Variants in VEZT observed in about 807,000 individuals in gnomAD.
VEZT encodes vezatin, adherens junctions transmembrane protein.
A neutral mutation model predicts 79.9 loss-of-function variants in VEZT; 39 were observed. That is an observed-to-expected ratio of 0.49 (90% confidence interval 0.38 to 0.64). VEZT has a LOEUF of 0.64. VEZT is among the 30% of genes least tolerant of loss of function. VEZT has a pLI of 0.00. For synonymous variants in VEZT, 325 were observed against 327.6 expected (o/e 0.99, Z 0.09); for missense variants, 837 against 893.1 (o/e 0.94, Z 0.80).
At chr12:95,276,148 T>C (rs1312389234) in intron 7 of VEZT, among the ~76,000 whole-genome samples, 2 of 151,886 alleles carry the variant, frequency 1.3e-5, no homozygotes, top group Non-Finnish European at 2.9e-5. Flanking sequence ...CCCTTACAGA[T>C]TTATCTCAGA....
chr12:95,274,829 G>A lies in VEZT; in HGVS notation c.936G>A (p.Glu312=), dbSNP rs1400723783. The change falls in exon 7 of 12, where the codon GAG becomes GAA. Residue 312 remains glutamate, a synonymous_variant. Transcript: ENST00000436874. ...FKELGLGLSE[E]QISEEEAHNF... ...AGCTGGGCCTTGGACTTAGTGAAGA[G>A]CAGATTTCAGAAGAGGAAGCACATA... is the stretch of plus-strand genomic sequence containing the variant. 6.2e-7 allele frequency: 1 copy of A among 1,613,758 alleles called. No homozygotes were observed. The highest frequency in any genetic ancestry group is 8.5e-7 in the Non-Finnish European group (1 of 1,179,834).
chr12:95,246,421 C>G (rs2061732062), intron 1 of VEZT, among the ~76,000 whole-genome samples: 1 of 152,194 alleles, frequency 6.6e-6, no homozygotes, highest in African/African-American at 2.4e-5. Context: ...CCGCACCCAC[C>G]CAGATCTGAT....
intron 1 of VEZT, among the ~76,000 whole-genome samples, chr12:95,235,152 C>G (rs1209574211): frequency 2.0e-5 from 3 of 152,196 alleles, no homozygotes; most frequent in Admixed American, 6.5e-5. Context: ...CATCATGGCC[C>G]GTTCTCAACG....
At chr12:95,284,984 G>A (rs537893719) in intron 8 of VEZT, among the ~76,000 whole-genome samples, 1 of 151,476 alleles carries the variant, frequency 6.6e-6, no homozygotes, top group South Asian at 2.1e-4. Flanking sequence ...TACTCGGGAG[G>A]CTGAGGCAGG....
chr12:95,296,103 A>G lies in VEZT; in HGVS notation c.1676A>G (p.Asp559Gly). The stretch of plus-strand genomic sequence containing the variant: ...GATATTGATAGTGATTTCAGAAAGG[A>G]TGATTTTTATTACTTGTCTCAAGAA... Reference protein sequence around the residue: ...DIDIDSDFRKDDFYYLSQEDK... With the variant: ...DIDIDSDFRKGDFYYLSQEDK... The change falls in exon 11 of 12, where the codon GAT (aspartate) becomes GGT (glycine). Residue 559 changes from aspartate (D) to glycine (G), a missense_variant. Physicochemically the swap from Asp to Gly is moderately conservative, Grantham distance 94. Transcript: ENST00000436874. 2 of 1,560,222 alleles carry G rather than the reference A, an allele frequency of 1.3e-6. No homozygotes were observed. The highest frequency in any genetic ancestry group is 2.7e-5 in the African/African-American group (2 of 73,750).
intron 1 of VEZT, among the ~76,000 whole-genome samples, chr12:95,238,415 G>A (rs1414329024): frequency 6.6e-6 from 1 of 152,100 alleles, no homozygotes; most frequent in Non-Finnish European, 1.5e-5. Flanking sequence ...TTTCAGGCTT[G>A]GCTCTACTGT....
chr12:95,296,194 G>T lies in VEZT; in HGVS notation c.1767G>T (p.Val589=). The change falls in exon 11 of 12, where the codon GTG becomes GTT. Residue 589 remains valine, a synonymous_variant. Coordinates refer to ENST00000436874, the MANE Select transcript of VEZT (RefSeq NM_017599.4). ...SKRVLQELKS[V]LGFKASEAER... ...GGGTGCTCCAAGAATTAAAATCTGT[G>T]CTGGGATTTAAAGCTTCAGAGGCAG... The T allele has an allele frequency of 6.3e-7, 1 of 1,586,310 alleles. No individual in the cohort carries two copies. The highest frequency in any genetic ancestry group is 8.6e-7 in the Non-Finnish European group (1 of 1,165,314).
intron 9 of VEZT, among the ~76,000 whole-genome samples, chr12:95,289,146 A>C (rs2071931992): frequency 1.3e-5 from 2 of 150,568 alleles, no homozygotes; most frequent in South Asian, 4.2e-4. Flanking sequence ...GGCCAGGCTC[A>C]GTGGCTCACG....
At chr12:95,288,936 G>T (rs541250457) in intron 9 of VEZT, among the ~76,000 whole-genome samples, 1 of 152,004 alleles carries the variant, frequency 6.6e-6, no homozygotes, top group Non-Finnish European at 1.5e-5. Flanking sequence ...ATCCTGGCCA[G>T]GCACGGTGAT....
intron 6 of VEZT, 121 bp downstream of exon 6, chr12:95,270,309 T>C: frequency 9.8e-7 from 1 of 1,019,922 alleles, no homozygotes; most frequent in Non-Finnish European, 1.4e-6. Flanking sequence ...GAAGCTAATT[T>C]CCATCATCAA....
At chr12:95,227,247 A>G (rs2058617061) in intron 1 of VEZT, among the ~76,000 whole-genome samples, 1 of 151,740 alleles carries the variant, frequency 6.6e-6, no homozygotes, top group Admixed American at 6.6e-5. Context: ...TGCAGCCTCC[A>G]CTTCCCAGGC....
chr12:95,281,759 T>C (rs886207708), intron 7 of VEZT, among the ~76,000 whole-genome samples: 1 of 152,094 alleles, frequency 6.6e-6, no homozygotes, highest in Non-Finnish European at 1.5e-5. Context: ...TTGGCCAGGC[T>C]GGTCTCAAAC....
chr12:95,268,639 A>G (rs2066008896), intron 5 of VEZT, among the ~76,000 whole-genome samples: 1 of 152,172 alleles, frequency 6.6e-6, no homozygotes, highest in African/African-American at 2.4e-5. Context: ...ATCTGTCCCC[A>G]TGGAATTTGC....
At chr12:95,294,947 A>G (rs890413439) in intron 10 of VEZT, among the ~76,000 whole-genome samples, 2 of 152,198 alleles carry the variant, frequency 1.3e-5, no homozygotes, top group African/African-American at 4.8e-5. Context: ...CTTACAGAAT[A>G]TTTCAGAGAG....
intron 1 of VEZT, among the ~76,000 whole-genome samples, chr12:95,227,063 A>T (rs2058592787): frequency 6.6e-6 from 1 of 152,246 alleles, no homozygotes; most frequent in African/African-American, 2.4e-5. Flanking sequence ...ATGAAATACC[A>T]AGATTGTTGT....
intron 1 of VEZT, among the ~76,000 whole-genome samples, chr12:95,248,393 T>G (rs2062000940): frequency 1.3e-5 from 2 of 152,198 alleles, no homozygotes; most frequent in South Asian, 4.1e-4. Flanking sequence ...CCGAACTGAA[T>G]GTGTATATAT....
At chr12:95,232,211 A>C (rs1349320532) in intron 1 of VEZT, among the ~76,000 whole-genome samples, 1 of 152,244 alleles carries the variant, frequency 6.6e-6, no homozygotes, top group Non-Finnish European at 1.5e-5. Context: ...CATAATTTTC[A>C]GGCAGATATT....
intron 1 of VEZT, among the ~76,000 whole-genome samples, chr12:95,221,291 C>T (rs1028030987): frequency 5.3e-5 from 8 of 152,204 alleles, no homozygotes; most frequent in Non-Finnish European, 1.0e-4. Context: ...ATTGGACCAA[C>T]CGTGGCTCAC....
chr12:95,254,339 CTTTTTTTTTTT>C (rs34968028), intron 2 of VEZT, among the ~76,000 whole-genome samples: 24 of 69,406 alleles, frequency 3.5e-4, no homozygotes, highest in Non-Finnish European at 7.5e-5. Context: ...AAACGAAGTT[CTTTTTTTTTTT>C]TTTTTTTTTT....
Sources: gnomAD v4.1 joint callset for allele counts (sites outside exome capture counted in the v4.1 genomes callset) on GRCh38, gnomAD v4.1.1 for gene constraint, MANE v1.5 for transcripts, NCBI Gene and HGNC (gene_info 2026-07-23, HGNC 2026-07-21) for gene names.